SPTLC3: variants seen among roughly 807,000 people sequenced by gnomAD.
SPTLC3 encodes the protein serine palmitoyltransferase 3.
SPTLC3 carries 36 observed loss-of-function variants against 59.3 expected under a neutral mutation model. That is an observed-to-expected ratio of 0.61 (90% CI 0.47 to 0.80). SPTLC3 has a LOEUF of 0.80. Among genes scored for constraint, SPTLC3 ranks in the 30% least tolerant of loss-of-function variants. The pLI, the probability that SPTLC3 is intolerant of heterozygous loss-of-function variation, is 0.00. For missense variants in SPTLC3, 625 were observed against 685.1 expected (o/e 0.91, Z 0.98); for synonymous variants, 257 against 240.8 (o/e 1.07, Z -0.62).
intron 9 of SPTLC3, among the ~76,000 whole-genome samples, chr20:13,153,634 G>A (rs1425125174): frequency 1.3e-5 from 2 of 152,132 alleles, no homozygotes; most frequent in Non-Finnish European, 2.9e-5. Context: ...GGGGGTGGGG[G>A]AAGTGGTTAT....
rs143354637 is a variant in SPTLC3 at position 13,020,433 on chromosome 20, T to A, written c.117+11049T>A. The stretch of plus-strand genomic sequence containing the variant: ...CCTTAGCTATCCCAGGAGGTTGAAG[T>A]GGGAGGACCACTTGAGCCCAGTAAT... On this transcript the variant is annotated intron_variant, in intron 1 of 11. Coordinates refer to ENST00000399002, the MANE Select transcript of SPTLC3 (RefSeq NM_018327.4). Among the ~76,000 whole-genome samples the A allele has an allele frequency of 4.6e-3, 700 of 152,058 alleles. 10 individuals are homozygous for A. Among genetic ancestry groups the A allele is most frequent in the African/African-American group, 0.016 (674 of 41,480 alleles).
chr20:13,143,719 A>G (rs2038439745), intron 9 of SPTLC3, among the ~76,000 whole-genome samples: 1 of 152,226 alleles, frequency 6.6e-6, no homozygotes, highest in South Asian at 2.1e-4. Context: ...TTCTGCAGGC[A>G]GCTGCCTTGG....
intron 9 of SPTLC3, chr20:13,133,187 C>T (rs1038917112): frequency 1.3e-5 from 2 of 152,262 alleles, no homozygotes; most frequent in Non-Finnish European, 2.9e-5. Flanking sequence ...GCCCTAATCC[C>T]ACACTCTGTT....
Position 13,166,158 on chromosome 20 carries a change from G to A in SPTLC3, c.*1291G>A, listed in dbSNP as rs949816122. 7.2e-5 allele frequency: 11 copies of A among 152,610 alleles called. No individual in the cohort carries two copies. The highest frequency in any genetic ancestry group is 6.5e-5 in the Admixed American group (1 of 15,274). 9.5% of individuals were successfully genotyped at this position (152,610 alleles called of 1,614,324 possible). The stretch of plus-strand genomic sequence containing the variant: ...AAAGCTTCTGTAACAGTTCGAATGA[G>A]TTGCAGAACATTCCACTCCATCAAA... On this transcript the variant is annotated 3_prime_UTR_variant, in exon 12 of 12. Coordinates refer to ENST00000399002, the MANE Select transcript of SPTLC3 (RefSeq NM_018327.4).
At chr20:13,031,073 G>A (rs774985895) in intron 1 of SPTLC3, among the ~76,000 whole-genome samples, 3 of 152,074 alleles carry the variant, frequency 2.0e-5, no homozygotes, top group Non-Finnish European at 2.9e-5. Context: ...CCACTGCACC[G>A]GAAATGCAGC....
At chr20:13,009,870 G>C (rs1294656124) in intron 1 of SPTLC3, among the ~76,000 whole-genome samples, 3 of 152,132 alleles carry the variant, frequency 2.0e-5, no homozygotes, top group Admixed American at 1.3e-4. Context: ...GTGTGTAGTG[G>C]AGCATTGTTT....
intron 4 of SPTLC3, among the ~76,000 whole-genome samples, chr20:13,083,706 G>A (rs1384612602): frequency 6.6e-6 from 1 of 152,088 alleles, no homozygotes; most frequent in East Asian, 1.9e-4. Flanking sequence ...CCAAGTTAAT[G>A]TTGGCCCCAA....
intron 9 of SPTLC3, among the ~76,000 whole-genome samples, chr20:13,148,242 T>C (rs928092268): frequency 5.3e-5 from 8 of 151,998 alleles, no homozygotes; most frequent in Non-Finnish European, 8.8e-5. Flanking sequence ...TTTGTTTTTC[T>C]TCCCCTGACC....
intron 4 of SPTLC3, among the ~76,000 whole-genome samples, chr20:13,090,163 T>C (rs1349653320): frequency 6.6e-6 from 1 of 152,222 alleles, no homozygotes; most frequent in Non-Finnish European, 1.5e-5. Flanking sequence ...AAGGGGATTA[T>C]GTTTAAGAAG....
chr20:13,138,794 G>A (rs1391356332), intron 9 of SPTLC3, among the ~76,000 whole-genome samples: 1 of 152,088 alleles, frequency 6.6e-6, no homozygotes, highest in African/African-American at 2.4e-5. Flanking sequence ...CTAGGGATTT[G>A]TCTAGACACC....
intron 2 of SPTLC3, among the ~76,000 whole-genome samples, chr20:13,058,341 C>T (rs1267572028): frequency 6.6e-6 from 1 of 152,130 alleles, no homozygotes; most frequent in Non-Finnish European, 1.5e-5. Context: ...ACAGCCCAGG[C>T]ACTGGTCTTC....
chr20:13,066,045 C>A (rs1197745536), intron 2 of SPTLC3, among the ~76,000 whole-genome samples: 1 of 152,136 alleles, frequency 6.6e-6, no homozygotes, highest in Admixed American at 6.5e-5. Context: ...AACGTTGTAC[C>A]CTTTGACCAG....
At chr20:13,043,011 T>C (rs1422261302) in intron 1 of SPTLC3, among the ~76,000 whole-genome samples, 1 of 152,198 alleles carries the variant, frequency 6.6e-6, no homozygotes, top group Non-Finnish European at 1.5e-5. Flanking sequence ...GAACACCATA[T>C]AATGTTTAAA....
chr20:13,167,419 GT>G lies in SPTLC3; in HGVS notation c.*2554del, dbSNP rs1827366400. On this transcript the variant is annotated 3_prime_UTR_variant, in exon 12 of 12. Coordinates refer to ENST00000399002, the MANE Select transcript of SPTLC3 (RefSeq NM_018327.4). ...GTTGGAAAAGAGAATTTTCTATAAT[GT>G]TATGCGCACTCAGCCCTTCTGTTCA... is the stretch of plus-strand genomic sequence containing the variant. 2 of 151,614 alleles carry G rather than the reference GT, an allele frequency of 1.3e-5. No individual in the cohort carries two copies. Among genetic ancestry groups the G allele is most frequent in the South Asian group, 4.2e-4 (2 of 4,794 alleles). 9.4% of individuals were successfully genotyped at this position (151,614 alleles called of 1,614,324 possible). A position where few individuals can be genotyped will look rare whatever the true frequency, so the allele number is the denominator to read the frequency against.
At chr20:13,046,073 G>A (rs1987218229) in intron 1 of SPTLC3, among the ~76,000 whole-genome samples, 1 of 152,180 alleles carries the variant, frequency 6.6e-6, no homozygotes, top group Admixed American at 6.5e-5. Context: ...TAATTTGCAA[G>A]CAGGTTAAAT....
chr20:13,015,081 G>A (rs76127633), intron 1 of SPTLC3, among the ~76,000 whole-genome samples: 1,550 of 152,232 alleles, frequency 0.01, 29 homozygotes, highest in African/African-American at 0.035. Flanking sequence ...TATTTATGGT[G>A]ACTCTTAGAG....
At chr20:13,062,647 T>C (rs1161611147) in intron 2 of SPTLC3, among the ~76,000 whole-genome samples, 1 of 152,168 alleles carries the variant, frequency 6.6e-6, no homozygotes, top group African/African-American at 2.4e-5. Flanking sequence ...TGTGCATGCA[T>C]TTTTTCTGTC....
At chr20:13,107,265 G>A (rs957481720) in intron 6 of SPTLC3, among the ~76,000 whole-genome samples, 1 of 152,012 alleles carries the variant, frequency 6.6e-6, no homozygotes, top group Non-Finnish European at 1.5e-5. Context: ...CCTGAAGGTT[G>A]AGAACCACTG....
chr20:13,118,609 A>G (rs1990725430), intron 8 of SPTLC3, among the ~76,000 whole-genome samples: 1 of 152,216 alleles, frequency 6.6e-6, no homozygotes, highest in African/African-American at 2.4e-5. Context: ...TCTGACACCT[A>G]TCTCAGACAA....
Sources: allele counts gnomAD v4.1 joint callset (sites outside exome capture counted in the v4.1 genomes callset), GRCh38; gene constraint gnomAD v4.1.1; transcripts MANE v1.5; gene names NCBI Gene and HGNC (gene_info 2026-07-23, HGNC 2026-07-21).